Variants in PTER observed in about 807,000 individuals in gnomAD.
The protein encoded by PTER is phosphotriesterase related.
A neutral mutation model predicts 29.6 loss-of-function variants in PTER; 38 were observed. That is an observed-to-expected ratio of 1.28 (90% CI 0.99 to 1.68). PTER has a LOEUF of 1.68. Ranked by LOEUF, PTER falls within the 40% of genes most tolerant of loss-of-function variation. PTER has a pLI of 0.00. For synonymous variants in PTER, 172 were observed against 154.5 expected, an observed-to-expected ratio of 1.11 and a Z score of -0.84; for missense variants, 482 against 427.8, an observed-to-expected ratio of 1.13 and a Z score of -1.12.
At chr10:16,479,739 A>G (rs1372168734) in intron 1 of PTER, among the ~76,000 whole-genome samples, 1 of 151,926 alleles carries the variant, frequency 6.6e-6, no homozygotes, top group Non-Finnish European at 1.5e-5. Flanking sequence ...CTTGCCATCT[A>G]CACTGGTGTC....
chr10:16,497,215 A>T (rs1330988659), intron 3 of PTER, among the ~76,000 whole-genome samples: 1 of 152,162 alleles, frequency 6.6e-6, no homozygotes, highest in Non-Finnish European at 1.5e-5. Flanking sequence ...GATTACAGGC[A>T]TGAGCCATAT....
At chr10:16,476,503 T>C (rs904100489) in intron 1 of PTER, among the ~76,000 whole-genome samples, 4 of 152,212 alleles carry the variant, frequency 2.6e-5, no homozygotes, top group Non-Finnish European at 4.4e-5. Flanking sequence ...CATGAGAAGC[T>C]TTTAAATGCT....
intron 1 of PTER, among the ~76,000 whole-genome samples, chr10:16,441,737 T>A (rs919767694): frequency 6.6e-6 from 1 of 152,256 alleles, no homozygotes; most frequent in Non-Finnish European, 1.5e-5. Flanking sequence ...GAAGATCTTC[T>A]ATTGTCAGCT....
chr10:16,502,882 G>A (rs1046926645), intron 3 of PTER, among the ~76,000 whole-genome samples: 3 of 150,814 alleles, frequency 2.0e-5, no homozygotes, highest in Non-Finnish European at 4.4e-5. Context: ...CCAGCTACTC[G>A]GGAGGCTGAA....
chr10:16,457,903 G>A (rs1258498921), intron 1 of PTER, among the ~76,000 whole-genome samples: 2 of 152,076 alleles, frequency 1.3e-5, no homozygotes, highest in Non-Finnish European at 2.9e-5. Context: ...GCCACCATGC[G>A]GGGCCCTCAA....
intron 1 of PTER, among the ~76,000 whole-genome samples, chr10:16,439,180 G>A (rs1361929043): frequency 6.6e-6 from 1 of 152,092 alleles, no homozygotes; most frequent in Non-Finnish European, 1.5e-5. Context: ...TATTTTGGAG[G>A]TCAGTAGCGG....
chr10:16,480,193 A>ATT (rs60746148), intron 1 of PTER, among the ~76,000 whole-genome samples: 39,827 of 136,834 alleles, frequency 0.29, 6,005 homozygotes, highest in Middle Eastern at 0.44. Flanking sequence ...TGACTATAGC[A>ATT]TTTTTTTTTT....
chr10:16,450,809 C>T (rs1834179119), intron 1 of PTER, among the ~76,000 whole-genome samples: 1 of 152,176 alleles, frequency 6.6e-6, no homozygotes, highest in East Asian at 1.9e-4. Flanking sequence ...TTCCTTGGTT[C>T]TCCACATATG....
chr10:16,517,372 G>A (rs376850460), downstream of PTER, among the ~76,000 whole-genome samples: 345 of 152,170 alleles, frequency 2.3e-3, no homozygotes, highest in Admixed American at 3.5e-3. Flanking sequence ...CATGGGCATC[G>A]GTGCCATAAC....
intron 1 of PTER, among the ~76,000 whole-genome samples, chr10:16,451,881 G>A (rs1029569476): frequency 1.3e-5 from 2 of 152,048 alleles, no homozygotes; most frequent in African/African-American, 4.8e-5. Flanking sequence ...ATGTTGCTAA[G>A]CCCTTTAATT....
intron 1 of PTER, among the ~76,000 whole-genome samples, chr10:16,482,944 G>C (rs987775717): frequency 6.6e-6 from 1 of 152,006 alleles, no homozygotes; most frequent in African/African-American, 2.4e-5. Context: ...ACCACACTTG[G>C]CAAATTTTTG....
intron 3 of PTER, among the ~76,000 whole-genome samples, chr10:16,499,990 C>T (rs1188897672): frequency 2.0e-5 from 3 of 152,030 alleles, no homozygotes; most frequent in African/African-American, 7.3e-5. Context: ...AGAGGCTTGG[C>T]CTCCCAAAGT....
chr10:16,468,330 A>C (rs192863644), intron 1 of PTER, among the ~76,000 whole-genome samples: 1 of 152,094 alleles, frequency 6.6e-6, no homozygotes, highest in Non-Finnish European at 1.5e-5. Flanking sequence ...TGACAGAGCA[A>C]AACTCCATCT....
At chr10:16,517,006 G>T (rs1836962394), downstream of PTER, among the ~76,000 whole-genome samples, 2 of 152,150 alleles carry the variant, frequency 1.3e-5, no homozygotes, top group Non-Finnish European at 2.9e-5. Flanking sequence ...GATATAACAG[G>T]ACTTGAAATT....
intron 1 of PTER, among the ~76,000 whole-genome samples, chr10:16,444,105 G>A (rs1833939014): frequency 6.6e-6 from 1 of 151,248 alleles, no homozygotes; most frequent in Non-Finnish European, 1.5e-5. Context: ...GAATTCAAGC[G>A]ATTCTCCTGC....
At chr10:16,469,866 C>T (rs1188395595) in intron 1 of PTER, among the ~76,000 whole-genome samples, 1 of 151,574 alleles carries the variant, frequency 6.6e-6, no homozygotes, top group Admixed American at 6.6e-5. Flanking sequence ...TAGCATGAGC[C>T]ACCGTGCCTG....
At chr10:16,501,491 G>T (rs1836348721) in intron 3 of PTER, among the ~76,000 whole-genome samples, 1 of 151,856 alleles carries the variant, frequency 6.6e-6, no homozygotes. Flanking sequence ...ATTTAATCCT[G>T]CTTACTATAT....
chr10:16,457,818 C>G (rs1032971059), intron 1 of PTER, among the ~76,000 whole-genome samples: 1 of 151,874 alleles, frequency 6.6e-6, no homozygotes, highest in African/African-American at 2.4e-5. Context: ...CCATGTTGGC[C>G]GCGCTAGTCT....
intron 1 of PTER, among the ~76,000 whole-genome samples, chr10:16,457,196 TTTTG>T (rs140911123): frequency 0.14 from 21,607 of 151,458 alleles, 1,651 homozygotes; most frequent in South Asian, 0.28. Flanking sequence ...CCTTTAGTTG[TTTTG>T]TTTGTTTGTT....
Sources: gnomAD v4.1 joint callset for allele counts (sites outside exome capture counted in the v4.1 genomes callset) on GRCh38, gnomAD v4.1.1 for gene constraint, MANE v1.5 for transcripts, NCBI Gene and HGNC (gene_info 2026-07-23, HGNC 2026-07-21) for gene names.